The following LSAMP variants were observed in gnomAD, a reference collection of about 807,000 sequenced individuals.
LSAMP encodes the protein limbic system-associated membrane protein.
A neutral mutation model predicts 38.6 loss-of-function variants in LSAMP; 7 were observed. That is an observed-to-expected ratio of 0.18 (90% CI 0.10 to 0.34). The LOEUF (loss-of-function observed/expected upper bound fraction) is 0.34. Among genes scored for constraint, LSAMP ranks in the 10% least tolerant of loss-of-function variants. The pLI, the probability that LSAMP is intolerant of heterozygous loss-of-function variation, is 1.00. For missense variants in LSAMP, 313 were observed against 420.0 expected, an observed-to-expected ratio of 0.75 and a Z score of 2.23; for synonymous variants, 154 against 166.8, an observed-to-expected ratio of 0.92 and a Z score of 0.59.
chr3:116,264,810 T>C (rs2046871865), intron 1 of LSAMP, among the ~76,000 whole-genome samples: 1 of 152,172 alleles, frequency 6.6e-6, no homozygotes, highest in African/African-American at 2.4e-5. Flanking sequence ...TCTTGCTATG[T>C]TGCTCAGGCT....
intron 1 of LSAMP, among the ~76,000 whole-genome samples, chr3:116,216,978 G>A (rs542307903): frequency 2.0e-5 from 3 of 152,308 alleles, no homozygotes; most frequent in East Asian, 3.9e-4. Context: ...TTAAAGTGAG[G>A]CTGTTCTTAT....
At position 115,828,748 on chromosome 3, in the gene LSAMP, T is replaced by A. The variant is rs564601351; in HGVS notation, c.919+13097A>T. Among the ~76,000 whole-genome samples the A allele has an allele frequency of 1.6e-3, 243 of 152,064 alleles. 1 individual carries two copies. The highest frequency in any genetic ancestry group is 5.5e-3 in the African/African-American group (230 of 41,470). On this transcript the variant is annotated intron_variant, in intron 6 of 6. Coordinates refer to ENST00000490035, the MANE Select transcript of LSAMP (RefSeq NM_002338.5). ...CCAAATGTAACTGTTACTTTGAAAATTTTTTTTTCTATAAAGCTCATAGAA... is the reference window on the plus strand; with the variant it reads ...CCAAATGTAACTGTTACTTTGAAAAATTTTTTTTCTATAAAGCTCATAGAA...
intron 1 of LSAMP, among the ~76,000 whole-genome samples, chr3:116,181,188 C>T (rs772226366): frequency 6.6e-6 from 1 of 151,924 alleles, no homozygotes; most frequent in Non-Finnish European, 1.5e-5. Context: ...ATCATTTTTT[C>T]AAATGACAAA....
rs1291608266 is a variant in LSAMP at position 115,852,297 on chromosome 3, G to A, written c.649+186C>T. ...AAATGTATTATGGATTACATTTAGA[G>A]TTGATTTACCAAATTCAAAGACCAA... On this transcript the variant is annotated intron_variant, in intron 4 of 6. Coordinates refer to ENST00000490035, the MANE Select transcript of LSAMP (RefSeq NM_002338.5). Among the ~76,000 whole-genome samples, 5 of 152,222 alleles carry A rather than the reference G, an allele frequency of 3.3e-5. No homozygotes were observed. The East Asian group carries it at 7.7e-4, about 23-fold the overall frequency.
intron 2 of LSAMP, among the ~76,000 whole-genome samples, chr3:116,058,546 TA>T (rs1301823829): frequency 1.3e-5 from 2 of 152,162 alleles, no homozygotes; most frequent in African/African-American, 2.4e-5. Context: ...TCTTTGAAGT[TA>T]ATCCCCAAGT....
intron 1 of LSAMP, among the ~76,000 whole-genome samples, chr3:116,237,793 C>T (rs2046484839): frequency 6.6e-6 from 1 of 152,134 alleles, no homozygotes; most frequent in Non-Finnish European, 1.5e-5. Context: ...TTAATTACTG[C>T]ATAATTCAAC....
intron 3 of LSAMP, among the ~76,000 whole-genome samples, chr3:115,893,927 T>C (rs1026841827): frequency 6.6e-5 from 10 of 151,948 alleles, no homozygotes; most frequent in Non-Finnish European, 1.3e-4. Flanking sequence ...TGTGACCCAG[T>C]TGCAAGACTG....
intron 1 of LSAMP, among the ~76,000 whole-genome samples, chr3:116,415,236 G>A (rs1328440831): frequency 1.3e-5 from 1 of 75,638 alleles, no homozygotes; most frequent in Non-Finnish European, 2.8e-5. Flanking sequence ...ATTTTACAGA[G>A]GAAGAAATGA....
intron 6 of LSAMP, among the ~76,000 whole-genome samples, chr3:115,825,693 T>C (rs1281577066): frequency 6.6e-6 from 1 of 152,234 alleles, no homozygotes; most frequent in Admixed American, 6.5e-5. Flanking sequence ...CCTTTATTTT[T>C]ATTTTTCTAG....
chr3:116,050,970 A>C (rs1025849906), intron 2 of LSAMP, among the ~76,000 whole-genome samples: 1 of 152,228 alleles, frequency 6.6e-6, no homozygotes, highest in African/African-American at 2.4e-5. Context: ...GAAAGTGTTA[A>C]ATAATAAAAA....
intron 3 of LSAMP, among the ~76,000 whole-genome samples, chr3:115,899,601 A>G (rs1447540263): frequency 6.6e-6 from 1 of 152,172 alleles, no homozygotes; most frequent in Non-Finnish European, 1.5e-5. Context: ...CTCTTCCAAT[A>G]TCTCAATCCT....
intron 1 of LSAMP, among the ~76,000 whole-genome samples, chr3:116,274,395 CTA>C (rs2047019275): frequency 1.3e-5 from 2 of 152,112 alleles, no homozygotes; most frequent in Admixed American, 6.6e-5. Flanking sequence ...TGTTCATTTT[CTA>C]TGTTTCAAAT....
At chr3:115,913,716 A>G (rs1013568284) in intron 3 of LSAMP, among the ~76,000 whole-genome samples, 1 of 152,218 alleles carries the variant, frequency 6.6e-6, no homozygotes, top group African/African-American at 2.4e-5. Flanking sequence ...AAGAGAAAAA[A>G]GAGTAATGCC....
intron 1 of LSAMP, among the ~76,000 whole-genome samples, chr3:116,356,293 A>C (rs1468642072): frequency 1.3e-5 from 2 of 152,212 alleles, no homozygotes; most frequent in Non-Finnish European, 2.9e-5. Context: ...ATGGAACTGA[A>C]AGACATTGTT....
intron 1 of LSAMP, among the ~76,000 whole-genome samples, chr3:116,119,731 T>C (rs1383622796): frequency 1.3e-5 from 2 of 151,590 alleles, no homozygotes; most frequent in African/African-American, 4.9e-5. Context: ...CGATCTCGGC[T>C]CACTGCAACC....
At chr3:116,391,303 C>T (rs1471480107) in intron 1 of LSAMP, among the ~76,000 whole-genome samples, 3 of 152,012 alleles carry the variant, frequency 2.0e-5, no homozygotes, top group South Asian at 4.1e-4. Flanking sequence ...CCGCCCCCCC[C>T]GTGCCCCATG....
intron 3 of LSAMP, among the ~76,000 whole-genome samples, chr3:115,874,487 C>T (rs1378234675): frequency 6.6e-6 from 1 of 152,090 alleles, no homozygotes; most frequent in Non-Finnish European, 1.5e-5. Context: ...TTTGTCTCCC[C>T]AGCTATACCA....
rs182670743 is a variant in LSAMP, at chr3:116,016,154, A to C, written c.514+3361T>G. ...GACTTCACATTACAGGCTGAAAAGA[A>C]TCACCTACGGTTTCCATATTTTGAA... On this transcript the variant is annotated intron_variant, in intron 3 of 6. Transcript: ENST00000490035. 9.1e-4 allele frequency among the ~76,000 whole-genome samples: 139 copies of C among 152,288 alleles called. No individual in the cohort carries two copies. The East Asian group carries it at 0.016, about 18-fold the overall frequency.
chr3:115,911,964 A>C (rs538003794), intron 3 of LSAMP, among the ~76,000 whole-genome samples: 1 of 152,316 alleles, frequency 6.6e-6, no homozygotes, highest in East Asian at 1.9e-4. Flanking sequence ...CTTAACATCT[A>C]TATAACCTCG....
Sources: allele counts gnomAD v4.1 joint callset (sites outside exome capture counted in the v4.1 genomes callset), GRCh38; gene constraint gnomAD v4.1.1; transcripts MANE v1.5; gene names NCBI Gene and HGNC (gene_info 2026-07-23, HGNC 2026-07-21).